The following ASPSCR1 variants were observed in gnomAD, a reference collection of about 807,000 sequenced individuals.
ASPSCR1 encodes tether containing UBX domain for GLUT4.
In ASPSCR1, 55 loss-of-function variants were observed where a neutral mutation model predicts 68.9. The ratio of observed to expected loss-of-function variants is 0.80; its 90% CI spans 0.64 to 1.00. ASPSCR1 has a LOEUF of 1.00. ASPSCR1 is among the 50% of genes least tolerant of loss of function. The probability of loss-of-function intolerance (pLI) is 0.00; values close to 1 mark genes in which losing one functional copy is unlikely to be tolerated. For synonymous variants in ASPSCR1, 352 were observed against 332.6 expected (o/e 1.06, Z -0.63); for missense variants, 765 against 762.2 (o/e 1.00, Z -0.04).
At position 82,017,238 on chromosome 17, in the gene ASPSCR1, G is replaced by T. The variant is rs536223495; in HGVS notation, c.1649-71G>T. ...GCCGGCAGGGCCGAGTGCTTCAGCC[G>T]GGCTGGTGGGCGGGTGGCCGGGTGG... is the stretch of plus-strand genomic sequence containing the variant. On this transcript the variant is annotated intron_variant, in intron 15 of 15. Transcript: ENST00000306739. The T allele has an allele frequency of 2.5e-6, 4 of 1,602,044 alleles. No homozygotes were observed. In the Admixed American group the frequency reaches 5.0e-5, roughly 20 times the overall value.
chr17:82,011,915 G>A (rs2042961668), intron 11 of ASPSCR1, among the ~76,000 whole-genome samples: 1 of 152,158 alleles, frequency 6.6e-6, no homozygotes, highest in African/African-American at 2.4e-5. Context: ...CCCGAGGGCT[G>A]TGGGAAGGGT....
Position 81,994,843 on chromosome 17 carries a change from G to A in ASPSCR1, c.397G>A (p.Gly133Arg), listed in dbSNP as rs781445169. Residue 133 changes from glycine (G) to arginine (R), a missense_variant, in exon 5 of 16, where the codon GGG becomes AGG. Coordinates refer to ENST00000306739, the MANE Select transcript of ASPSCR1 (RefSeq NM_024083.4). ...QIRECLQHPG[G>R]ATPVCVYTRD... The stretch of plus-strand genomic sequence containing the variant: ...CAGGGAGTGCCTGCAGCACCCCGGC[G>A]GGGCCACCCCAGTCTGCGTGTACAC... 1.3e-5 allele frequency: 21 copies of A among 1,613,176 alleles called. No individual in the cohort carries two copies. The highest frequency in any genetic ancestry group is 6.7e-5 in the African/African-American group (5 of 74,926).
At chr17:82,000,788 C>T (rs984099393) in intron 7 of ASPSCR1, among the ~76,000 whole-genome samples, 6 of 152,212 alleles carry the variant, frequency 3.9e-5, no homozygotes, top group Non-Finnish European at 8.8e-5. Context: ...GAACCGGGCG[C>T]TGGGAGAGGC....
rs1399172620 is a variant in ASPSCR1, at chr17:81,987,855, C to CA, written c.374+2255dup. ...AGAGCAAAACTCCATCTCAAAAAAACAAAAAAACAAAAGAAACAACAAGGC... is the reference window on the plus strand; with the variant it reads ...AGAGCAAAACTCCATCTCAAAAAAACAAAAAAAACAAAAGAAACAACAAGGC... On this transcript the variant is annotated intron_variant, in intron 4 of 15. Coordinates refer to ENST00000306739, the MANE Select transcript of ASPSCR1 (RefSeq NM_024083.4). This position sits in a 1 kb window ranked among gnomAD's most constrained non-coding sequence, Gnocchi z 5.6. Among the ~76,000 whole-genome samples the CA allele has an allele frequency of 1.3e-5, 2 of 151,152 alleles. No homozygotes were observed. Among genetic ancestry groups the CA allele is most frequent in the East Asian group, 1.9e-4 (1 of 5,142 alleles).
At chr17:81,991,432 G>A (rs375321478) in intron 4 of ASPSCR1, among the ~76,000 whole-genome samples, 11 of 152,200 alleles carry the variant, frequency 7.2e-5, no homozygotes, top group Admixed American at 2.0e-4. Context: ...GTGCTGGGGT[G>A]TAGGGATGGG....
Position 81,996,511 on chromosome 17 carries a change from C to A in ASPSCR1, c.598C>A (p.Leu200Ile). 6.2e-7 allele frequency: 1 copy of A among 1,612,736 alleles called. No individual in the cohort carries two copies. Among genetic ancestry groups the A allele is most frequent in the Middle Eastern group, 1.7e-4 (1 of 6,056 alleles). The change falls in exon 7 of 16, where the codon CTT becomes ATT. Residue 200 changes from leucine (L) to isoleucine (I), a missense_variant. Leu to Ile is a conservative substitution (Grantham distance 5). Transcript: ENST00000306739. ...TGGCCAGGCAGCCGCCAGCGCTCCA[C>A]TTCCCTTGGAATCTGGGGAGCTCAG... Reference protein sequence around the residue: ...SAGQAAASAPLPLESGELSRG... With the variant: ...SAGQAAASAPIPLESGELSRG...
chr17:82,015,859 C>T, intron 12 of ASPSCR1: 1 of 178,882 alleles, frequency 5.6e-6, no homozygotes, highest in East Asian at 1.5e-4. Flanking sequence ...CTTCTCTGCT[C>T]ACAAGGCTTT....
chr17:81,993,518 C>G (rs574547762), intron 4 of ASPSCR1, among the ~76,000 whole-genome samples: 2 of 152,320 alleles, frequency 1.3e-5, no homozygotes, highest in Admixed American at 1.3e-4. Context: ...CGGCTGAGTC[C>G]TGCTCTTTCA....
chr17:82,001,169 C>G (rs1288235625), intron 7 of ASPSCR1, among the ~76,000 whole-genome samples: 1 of 152,170 alleles, frequency 6.6e-6, no homozygotes, highest in Admixed American at 6.5e-5. Context: ...GAGGCTGGGC[C>G]TGGAGCGGGT....
rs759975282 is a variant in ASPSCR1, at chr17:81,985,554, T to C, written c.321T>C (p.Ser107=). The C allele has an allele frequency of 7.4e-6, 12 of 1,613,962 alleles. No individual in the cohort carries two copies. Among genetic ancestry groups the C allele is most frequent in the Non-Finnish European group, 1.0e-5 (12 of 1,180,032 alleles). ...ACGATGGCTCGAGGTTGCAGGACTC[T>C]TTCTGTTCAGGCCAGACCCTCTGGG... ...QLDDGSRLQD[S]FCSGQTLWEL... is the part of the protein sequence containing the mutation. The change falls in exon 4 of 16, where the codon TCT becomes TCC. Residue 107 remains serine, a synonymous_variant. Coordinates refer to ENST00000306739, the MANE Select transcript of ASPSCR1 (RefSeq NM_024083.4).
intron 5 of ASPSCR1, chr17:81,995,228 G>A (rs1464827384): frequency 2.6e-5 from 11 of 429,122 alleles, no homozygotes; most frequent in Non-Finnish European, 4.1e-5. Flanking sequence ...CCTAGCGCTC[G>A]TCCCTGGCCT....
chr17:82,011,841 C>T (rs1197651549), intron 11 of ASPSCR1, among the ~76,000 whole-genome samples: 1 of 152,152 alleles, frequency 6.6e-6, no homozygotes, highest in Non-Finnish European at 1.5e-5. Context: ...CAGCGCCCTG[C>T]TCCCCTCTGG....
intron 7 of ASPSCR1, among the ~76,000 whole-genome samples, chr17:82,001,073 C>T (rs568218312): frequency 1.1e-4 from 17 of 152,316 alleles, no homozygotes; most frequent in African/African-American, 2.9e-4. Context: ...TGCTCACACC[C>T]GGCCCTCTGT....
At chr17:81,995,839 T>C (rs1350388565) in intron 5 of ASPSCR1, among the ~76,000 whole-genome samples, 153 bp from the exon 6 acceptor site, 1 of 151,988 alleles carries the variant, frequency 6.6e-6, no homozygotes, top group East Asian at 1.9e-4. Context: ...GTGGAGGGTG[T>C]GGACCGGCAG....
chr17:81,980,642 C>G (rs914956259), intron 2 of ASPSCR1, among the ~76,000 whole-genome samples: 1 of 152,174 alleles, frequency 6.6e-6, no homozygotes, highest in Admixed American at 6.5e-5. Flanking sequence ...AGTGTAGCCT[C>G]CAGCCAGAAG....
In ASPSCR1 at chr17:82,011,585, C is replaced by G; in HGVS notation, c.1280C>G (p.Pro427Arg). 1 of 1,591,658 alleles carries G rather than the reference C, an allele frequency of 6.3e-7. No homozygotes were observed. Among genetic ancestry groups the G allele is most frequent in the Non-Finnish European group, 8.5e-7 (1 of 1,172,930 alleles). The change falls in exon 11 of 16, where the codon CCC (proline) becomes CGC (arginine). Residue 427 changes from proline to arginine, a missense_variant. Coordinates refer to ENST00000306739, the MANE Select transcript of ASPSCR1 (RefSeq NM_024083.4). ...TTCGTGAGGAGCCACCTGGGGAACC[C>G]CGAGCTGTCATTTTACCTGTGTACG... ...RDFVRSHLGN[P>R]ELSFYLFITP...
chr17:81,996,294 AGGAGAGGGTGAACCGGGGGCG>A (rs1425315909), intron 6 of ASPSCR1, 105 bp from the exon 7 acceptor site: 26 of 1,342,762 alleles, frequency 1.9e-5, no homozygotes, highest in East Asian at 1.7e-4. Flanking sequence ...CGCATGGGGC[AGGAGAGGGTGAACCGGGGGCG>A]GGAGAGGGTG....
rs115893225 is a variant in ASPSCR1 at position 81,995,188 on chromosome 17, C to T, written c.432+310C>T. ...ATTTTCAAAACCGAGTGTGGCGTGG[C>T]GCAAGCAAAGCCCGCCGTGGCGGGA... On this transcript the variant is annotated intron_variant, in intron 5 of 15. Transcript: ENST00000306739. 435 of 478,684 alleles carry T rather than the reference C, an allele frequency of 9.1e-4. 3 individuals are homozygous for T. The highest frequency in any genetic ancestry group is 7.9e-3 in the African/African-American group (393 of 49,556). The allele number at this position is 478,684 out of a possible 1,614,324, so 29.7% of individuals were successfully genotyped here. A position where few individuals can be genotyped will look rare whatever the true frequency, so the allele number is the denominator to read the frequency against.
At chr17:82,009,652 G>A (rs2042849868) in intron 9 of ASPSCR1, 85 bp downstream of exon 9, 1 of 852,252 alleles carries the variant, frequency 1.2e-6, no homozygotes, top group Admixed American at 2.6e-5. Flanking sequence ...GGGCGACTGA[G>A]GCACAGCTCT....
Sources: gnomAD v4.1 joint callset for allele counts (sites outside exome capture counted in the v4.1 genomes callset) on GRCh38, gnomAD v4.1.1 for gene constraint, Gnocchi (gnomAD v3.1) non-coding constraint, MANE v1.5 for transcripts, NCBI Gene and HGNC (gene_info 2026-07-23, HGNC 2026-07-21) for gene names.